The following PCDHAC1 variants were observed in gnomAD, a reference collection of about 807,000 sequenced individuals.
PCDHAC1 encodes the protein protocadherin alpha-C1.
PCDHAC1 carries 42 observed loss-of-function variants against 60.0 expected under a neutral mutation model. The ratio of observed to expected loss-of-function variants is 0.70; its 90% CI spans 0.55 to 0.90. The LOEUF (loss-of-function observed/expected upper bound fraction) is 0.90, where lower values mean the gene tolerates loss of function less well. Among genes scored for constraint, PCDHAC1 ranks in the 40% least tolerant of loss-of-function variants. The pLI is 0.00. For missense variants in PCDHAC1, 1,160 were observed against 1,222.3 expected (o/e 0.95, Z 0.76); for synonymous variants, 468 against 499.3 (o/e 0.94, Z 0.84).
intron 1 of PCDHAC1, among the ~76,000 whole-genome samples, chr5:140,937,239 G>C (rs1331547271): frequency 2.0e-5 from 3 of 151,804 alleles, no homozygotes; most frequent in African/African-American, 7.3e-5. Context: ...GGGTTTCACC[G>C]TGTTAGCCAG....
At position 140,926,584 on chromosome 5, in the gene PCDHAC1, C is replaced by A; in HGVS notation, c.-309C>A. The A allele has an allele frequency of 3.5e-6, 1 of 285,402 alleles. No homozygotes were observed. Among genetic ancestry groups the A allele is most frequent in the Non-Finnish European group, 6.4e-6 (1 of 155,402 alleles). The allele number at this position is 285,402 out of a possible 1,614,324, so 17.7% of individuals were successfully genotyped here. On this transcript the variant is annotated 5_prime_UTR_variant, in exon 1 of 4. Coordinates refer to ENST00000253807, the MANE Select transcript of PCDHAC1 (RefSeq NM_018898.5). ...CTGCTACTGGAGACAGCACCTCTCGCGCCCGGGCGGGCGGCCTCGTCTCTG... is the reference window on the plus strand; with the variant it reads ...CTGCTACTGGAGACAGCACCTCTCGAGCCCGGGCGGGCGGCCTCGTCTCTG...
chr5:140,931,279 C>T (rs73793526), intron 1 of PCDHAC1, among the ~76,000 whole-genome samples: 2,016 of 152,088 alleles, frequency 0.013, 37 homozygotes, highest in African/African-American at 0.046. Context: ...CTTTTATTTT[C>T]ATTGCTTTCT....
rs1237134609 is a variant in PCDHAC1 at position 141,011,353 on chromosome 5, A to T, written c.*1416A>T. 6.5e-6 allele frequency: 1 copy of T among 153,692 alleles called. No homozygotes were observed. The highest frequency in any genetic ancestry group is 1.5e-5 in the Non-Finnish European group (1 of 68,032). The allele number at this position is 153,692 out of a possible 1,614,324, so 9.5% of individuals were successfully genotyped here. On this transcript the variant is annotated 3_prime_UTR_variant, in exon 4 of 4. Coordinates refer to ENST00000253807, the MANE Select transcript of PCDHAC1 (RefSeq NM_018898.5). ...ATGTTACCTGAAATCAATCTCCCAT[A>T]TGTATGCTGTATGCTATGCTAAGAC...
intron 1 of PCDHAC1, among the ~76,000 whole-genome samples, chr5:140,970,168 G>T (rs1050888983): frequency 6.6e-6 from 1 of 152,168 alleles, no homozygotes; most frequent in Non-Finnish European, 1.5e-5. Context: ...ACCTTTCTTG[G>T]CATACTCTGA....
intron 3 of PCDHAC1, among the ~76,000 whole-genome samples, chr5:140,985,903 C>G (rs1554247500): frequency 6.6e-6 from 1 of 151,964 alleles, no homozygotes; most frequent in Non-Finnish European, 1.5e-5. Context: ...CCACTCCCGT[C>G]TAATTTTTTG....
intron 3 of PCDHAC1, among the ~76,000 whole-genome samples, chr5:141,002,832 C>T (rs147080489): frequency 1.2e-4 from 18 of 152,242 alleles, no homozygotes; most frequent in Admixed American, 2.6e-4. Context: ...GTAAATGGCC[C>T]AGGACTATGC....
intron 1 of PCDHAC1, chr5:140,969,531 A>G: frequency 7.4e-7 from 1 of 1,356,026 alleles, no homozygotes; most frequent in South Asian, 1.6e-5. Context: ...TTTATTTTTC[A>G]TTTTCAGAGG....
At chr5:140,944,354 A>G (rs2093646021) in intron 1 of PCDHAC1, among the ~76,000 whole-genome samples, 1 of 151,968 alleles carries the variant, frequency 6.6e-6, no homozygotes, top group South Asian at 2.1e-4. Flanking sequence ...CACCTGGCTA[A>G]TTTTTAATTT....
At chr5:141,004,573 G>A (rs2098171340) in intron 3 of PCDHAC1, among the ~76,000 whole-genome samples, 1 of 152,220 alleles carries the variant, frequency 6.6e-6, no homozygotes, top group South Asian at 2.1e-4. Context: ...ATATCTCTGT[G>A]TTCTGCATCT....
At chr5:140,943,266 AAAAAAAAAAAAG>A (rs2093453056) in intron 1 of PCDHAC1, among the ~76,000 whole-genome samples, 1 of 150,226 alleles carries the variant, frequency 6.7e-6, no homozygotes, top group African/African-American at 2.5e-5. Context: ...TCAAAAAAAA[AAAAAAAAAAAAG>A]AAAGAAAGAA....
chr5:140,930,594 A>G (rs1554207944), intron 1 of PCDHAC1: 2 of 152,716 alleles, frequency 1.3e-5, no homozygotes, highest in East Asian at 3.9e-4. Flanking sequence ...GACTTCTCAT[A>G]GAAATCCTAG....
rs1483756278 is a variant in PCDHAC1, at chr5:140,982,223, T to TA, written c.2493-246dup. On this transcript the variant is annotated intron_variant, in intron 2 of 3. Transcript: ENST00000253807. Reference sequence around the variant, plus strand: ...TTTAGTGAGCGCCACATGGCGTTAATAAAAAACAGAATTGCCATAAAGATA... The same window carrying TA: ...TTTAGTGAGCGCCACATGGCGTTAATAAAAAAACAGAATTGCCATAAAGATA... 8.6e-6 allele frequency: 5 copies of TA among 580,096 alleles called. No homozygotes were observed. In the East Asian group the frequency reaches 1.2e-4, roughly 14 times the overall value. The allele number at this position is 580,096 out of a possible 1,614,324, so 35.9% of individuals were successfully genotyped here. A position where few individuals can be genotyped will look rare whatever the true frequency, so the allele number is the denominator to read the frequency against.
intron 3 of PCDHAC1, among the ~76,000 whole-genome samples, chr5:140,999,088 G>A (rs1429141341): frequency 1.3e-5 from 2 of 152,274 alleles, no homozygotes; most frequent in African/African-American, 4.8e-5. Flanking sequence ...TCCTTCAGAG[G>A]GCTATGGAGA....
rs1330352185 is a variant in PCDHAC1 at position 140,927,201 on chromosome 5, C to T, written c.309C>T (p.Asp103=). 7 of 1,614,032 alleles carry T rather than the reference C, an allele frequency of 4.3e-6. No homozygotes were observed. The highest frequency in any genetic ancestry group is 5.1e-6 in the Non-Finnish European group (6 of 1,180,044). Residue 103 remains aspartate (D), a synonymous_variant, in exon 1 of 4, where the codon GAC becomes GAT. Coordinates refer to ENST00000253807, the MANE Select transcript of PCDHAC1 (RefSeq NM_018898.5). ...CVLTYDLVLE[D]PLELHKIRIH... ...TGACCTACGACCTGGTGCTCGAGGA[C>T]CCGCTGGAGCTGCACAAGATTCGGA...
chr5:141,003,308 A>C (rs2098118679), intron 3 of PCDHAC1, among the ~76,000 whole-genome samples: 1 of 152,200 alleles, frequency 6.6e-6, no homozygotes, highest in Non-Finnish European at 1.5e-5. Context: ...TGAAGTGGCC[A>C]GCTACTTCCA....
intron 1 of PCDHAC1, among the ~76,000 whole-genome samples, chr5:140,964,622 T>C (rs1435749865): frequency 2.0e-5 from 3 of 152,048 alleles, no homozygotes; most frequent in Non-Finnish European, 4.4e-5. Flanking sequence ...ATTCCACTTA[T>C]AAGCCATTTA....
At position 140,928,212 on chromosome 5, in the gene PCDHAC1, C is replaced by G. The variant is rs1388758279; in HGVS notation, c.1320C>G (p.Asp440Glu). The G allele has an allele frequency of 2.5e-6, 4 of 1,614,106 alleles. No individual in the cohort carries two copies. The African/African-American group carries it at 5.3e-5, about 22-fold the overall frequency. The change falls in exon 1 of 4, where the codon GAC (aspartate) becomes GAG (glutamate). Residue 440 changes from aspartate to glutamate, a missense_variant. Physicochemically the swap from Asp to Glu is conservative, Grantham distance 45. Coordinates refer to ENST00000253807, the MANE Select transcript of PCDHAC1 (RefSeq NM_018898.5). Reference sequence around the variant, plus strand: ...CTGTGTCAGTTGCTGATGTGAATGACAATACACCAAACTTTCCTCAACCCC... The same window carrying G: ...CTGTGTCAGTTGCTGATGTGAATGAGAATACACCAAACTTTCCTCAACCCC... The part of the protein sequence containing the change: ...TITVSVADVN[D>E]NTPNFPQPQQ...
chr5:140,998,826 AGTGCTGGATTACTG>A (rs1301277298), intron 3 of PCDHAC1, among the ~76,000 whole-genome samples: 1 of 152,240 alleles, frequency 6.6e-6, no homozygotes, highest in Non-Finnish European at 1.5e-5. Flanking sequence ...GGCCTCCCAA[AGTGCTGGATTACTG>A]GTGTGAGCCA....
rs2098417406 is a variant in PCDHAC1, at chr5:141,010,474, G to A, written c.*537G>A. Reference sequence around the variant, plus strand: ...CGGAAGTTATCAGTATGGAGGGGAAGTGTAAACTTAAAGGGACCAGACTTT... The same window carrying A: ...CGGAAGTTATCAGTATGGAGGGGAAATGTAAACTTAAAGGGACCAGACTTT... On this transcript the variant is annotated 3_prime_UTR_variant, in exon 4 of 4. Transcript: ENST00000253807. The A allele has an allele frequency of 3.9e-6, 3 of 760,382 alleles. No individual in the cohort carries two copies. The highest frequency in any genetic ancestry group is 3.2e-5 in the Admixed American group (1 of 31,594). The allele number at this position is 760,382 out of a possible 1,614,324, so 47.1% of individuals were successfully genotyped here.
Sources: allele counts gnomAD v4.1 joint callset (sites outside exome capture counted in the v4.1 genomes callset), GRCh38; gene constraint gnomAD v4.1.1; transcripts MANE v1.5; gene names NCBI Gene and HGNC (gene_info 2026-07-23, HGNC 2026-07-21).